The following LRRC8D variants were observed in gnomAD, a reference collection of about 807,000 sequenced individuals.
LRRC8D encodes the protein leucine rich repeat containing 8 VRAC subunit D, also known as volume-regulated anion channel subunit LRRC8D.
LRRC8D carries 20 observed loss-of-function variants against 55.8 expected under a neutral mutation model. The observed-to-expected ratio is 0.36, with a 90% confidence interval of 0.25 to 0.52. LRRC8D has a LOEUF of 0.52. Among genes scored for constraint, LRRC8D ranks in the 20% least tolerant of loss-of-function variants. The pLI is 0.93. For missense variants in LRRC8D, 651 were observed against 1,030.8 expected (o/e 0.63, Z 5.05); for synonymous variants, 352 against 377.0 (o/e 0.93, Z 0.77).
At chr1:89,862,122 A>T (rs1219401671) in intron 2 of LRRC8D, among the ~76,000 whole-genome samples, 1 of 152,240 alleles carries the variant, frequency 6.6e-6, no homozygotes, top group African/African-American at 2.4e-5. Context: ...AGATTGTTAA[A>T]GCTAGAAGGA....
intron 1 of LRRC8D, among the ~76,000 whole-genome samples, chr1:89,831,463 GAC>G (rs1333250303): frequency 6.6e-6 from 1 of 152,114 alleles, no homozygotes; most frequent in African/African-American, 2.4e-5. Context: ...GGACCGGTGG[GAC>G]ACACACAGAG....
At chr1:89,880,905 A>G (rs1662265712) in intron 2 of LRRC8D, among the ~76,000 whole-genome samples, 1 of 152,148 alleles carries the variant, frequency 6.6e-6, no homozygotes, top group Non-Finnish European at 1.5e-5. Flanking sequence ...AATACATAAT[A>G]TATTTATTAC....
chr1:89,900,471 C>T (rs1662822740), intron 2 of LRRC8D, among the ~76,000 whole-genome samples: 1 of 150,148 alleles, frequency 6.7e-6, no homozygotes, highest in Non-Finnish European at 1.5e-5. Context: ...TTGCCTGCTA[C>T]ACAAAGTGAA....
intron 2 of LRRC8D, among the ~76,000 whole-genome samples, chr1:89,858,660 A>G (rs1661620651): frequency 1.0e-5 from 1 of 96,574 alleles, no homozygotes; most frequent in African/African-American, 4.0e-5. Context: ...TTGTAAATAT[A>G]ATTTTAATTT....
intron 2 of LRRC8D, among the ~76,000 whole-genome samples, chr1:89,853,290 C>T (rs1032200426): frequency 6.6e-6 from 1 of 152,120 alleles, no homozygotes; most frequent in African/African-American, 2.4e-5. Context: ...AGTTTAGGGA[C>T]AATTGTGAGT....
At chr1:89,920,753 A>T (rs1467963908) in intron 2 of LRRC8D, among the ~76,000 whole-genome samples, 3 of 150,284 alleles carry the variant, frequency 2.0e-5, no homozygotes, top group Non-Finnish European at 3.0e-5. Context: ...CTTCTGAAGC[A>T]TTTTTTATTT....
chr1:89,896,929 A>G (rs1385955287), intron 2 of LRRC8D, among the ~76,000 whole-genome samples: 1 of 152,262 alleles, frequency 6.6e-6, no homozygotes, highest in Non-Finnish European at 1.5e-5. Context: ...TTATTGCAGC[A>G]TAATCATTTA....
chr1:89,863,662 T>A lies in LRRC8D; in HGVS notation c.-3+19880T>A, dbSNP rs540518566. ...GATATTTTCTGTGGTCTGTGTTATT[T>A]AGTTCTTCCTTTGTTTTCTTGTGCT... On this transcript the variant is annotated intron_variant, in intron 2 of 2. Coordinates refer to ENST00000337338, the MANE Select transcript of LRRC8D (RefSeq NM_001134479.2). Among the ~76,000 whole-genome samples the A allele has an allele frequency of 2.7e-3, 407 of 152,318 alleles. 4 individuals carry two copies. Among genetic ancestry groups the A allele is most frequent in the African/African-American group, 9.4e-3 (392 of 41,562 alleles).
At position 89,923,227 on chromosome 1, in the gene LRRC8D, C is replaced by T. The variant is rs1274929627; in HGVS notation, c.-2-9840C>T. The stretch of plus-strand genomic sequence containing the variant: ...AAGGAGAAGCTTTGGAATGTGAAAT[C>T]CACTTCCGCATAATGTAATTATTTA... On this transcript the variant is annotated intron_variant, in intron 2 of 2. Transcript: ENST00000337338. 2.6e-5 allele frequency among the ~76,000 whole-genome samples: 4 copies of T among 152,184 alleles called. No homozygotes were observed. The South Asian group carries it at 8.3e-4, about 31-fold the overall frequency.
At chr1:89,836,360 T>G (rs1476281062) in intron 1 of LRRC8D, among the ~76,000 whole-genome samples, 1 of 152,246 alleles carries the variant, frequency 6.6e-6, no homozygotes, top group Non-Finnish European at 1.5e-5. Context: ...AGTTCAAGTT[T>G]TAGCTTGCTT....
intron 1 of LRRC8D, among the ~76,000 whole-genome samples, chr1:89,831,433 T>C (rs1287546084): frequency 2.0e-5 from 3 of 151,652 alleles, no homozygotes; most frequent in Admixed American, 1.3e-4. Context: ...ATAGGTAGAG[T>C]ATGAATATAA....
chr1:89,875,343 A>G (rs140404359), intron 2 of LRRC8D, among the ~76,000 whole-genome samples: 2 of 152,338 alleles, frequency 1.3e-5, no homozygotes, highest in Non-Finnish European at 2.9e-5. Flanking sequence ...AATGTTCTTC[A>G]TTCACTCATT....
At chr1:89,866,047 T>C (rs1661832914) in intron 2 of LRRC8D, among the ~76,000 whole-genome samples, 1 of 152,232 alleles carries the variant, frequency 6.6e-6, no homozygotes, top group Non-Finnish European at 1.5e-5. Flanking sequence ...ACAAAACCTT[T>C]GCTCTACAAT....
chr1:89,919,822 A>T (rs1663367140), intron 2 of LRRC8D, among the ~76,000 whole-genome samples: 1 of 152,172 alleles, frequency 6.6e-6, no homozygotes, highest in Non-Finnish European at 1.5e-5. Flanking sequence ...TTTTTAAAAA[A>T]TTATTTCCCT....
intron 2 of LRRC8D, among the ~76,000 whole-genome samples, chr1:89,912,974 G>A (rs547265615): frequency 5.9e-5 from 9 of 152,190 alleles, no homozygotes; most frequent in Non-Finnish European, 1.0e-4. Flanking sequence ...TAAGATAGAT[G>A]TTTATTTCCT....
chr1:89,841,368 G>A (rs193163914), intron 1 of LRRC8D, among the ~76,000 whole-genome samples: 5 of 150,104 alleles, frequency 3.3e-5, no homozygotes, highest in Admixed American at 6.7e-5. Flanking sequence ...GTAGTTCATC[G>A]TCTGGAGGCC....
At position 89,935,318 on chromosome 1, in the gene LRRC8D, G is replaced by C. The variant is rs1663816428; in HGVS notation, c.2250G>C (p.Leu750Phe). 1 of 1,614,120 alleles carries C rather than the reference G, an allele frequency of 6.2e-7. No individual in the cohort carries two copies. The highest frequency in any genetic ancestry group is 8.5e-7 in the Non-Finnish European group (1 of 1,180,030). The change falls in exon 3 of 3, where the codon TTG becomes TTC. Residue 750 changes from leucine (L) to phenylalanine (F), a missense_variant. Transcript: ENST00000337338. ...CAATGATTCCAATAGAAATAGGATT[G>C]CTTCAGAACCTGCAGCATTTGCATA... ...NISMIPIEIG[L>F]LQNLQHLHIT... is the part of the protein sequence containing the mutation.
intron 2 of LRRC8D, among the ~76,000 whole-genome samples, chr1:89,905,444 T>C (rs1383437373): frequency 6.6e-6 from 1 of 152,182 alleles, no homozygotes; most frequent in Non-Finnish European, 1.5e-5. Flanking sequence ...TGCACATATA[T>C]CTTTAATAAA....
chr1:89,883,631 C>T (rs539601157), intron 2 of LRRC8D, among the ~76,000 whole-genome samples: 1 of 152,220 alleles, frequency 6.6e-6, no homozygotes, highest in Admixed American at 6.5e-5. Flanking sequence ...GTTAAAATCA[C>T]TAACTGTGGG....
Sources: allele counts gnomAD v4.1 joint callset (sites outside exome capture counted in the v4.1 genomes callset), GRCh38; gene constraint gnomAD v4.1.1; transcripts MANE v1.5; gene names NCBI Gene and HGNC (gene_info 2026-07-23, HGNC 2026-07-21).